The following IQSEC1 variants were observed in gnomAD, a reference collection of about 807,000 sequenced individuals.
The protein encoded by IQSEC1 is IQ motif and SEC7 domain-containing protein 1.
A neutral mutation model predicts 91.0 loss-of-function variants in IQSEC1; 31 were observed. The ratio of observed to expected loss-of-function variants is 0.34; its 90% CI spans 0.26 to 0.46. The LOEUF (loss-of-function observed/expected upper bound fraction) is 0.46, where lower values mean the gene tolerates loss of function less well. IQSEC1 is among the 20% of genes least tolerant of loss of function. IQSEC1 has a pLI of 1.00. For missense variants in IQSEC1, 1,388 were observed against 1,575.6 expected (o/e 0.88, Z 2.02); for synonymous variants, 699 against 662.6 (o/e 1.05, Z -0.84).
rs543520564 is a variant in IQSEC1, at chr3:13,041,202, G to A, written c.23+31790C>T. On this transcript the variant is annotated intron_variant, in intron 1 of 13. Coordinates refer to ENST00000613206, the MANE Select transcript of IQSEC1 (RefSeq NM_001134382.3). ...CAGCCGGACATGCCCTCCTGAGGCCGCATGAACAAGCCTGGGGGCGGGGGG... is the reference window on the plus strand; with the variant it reads ...CAGCCGGACATGCCCTCCTGAGGCCACATGAACAAGCCTGGGGGCGGGGGG... Among the ~76,000 whole-genome samples, 53 of 131,570 alleles carry A rather than the reference G, an allele frequency of 4.0e-4. 2 individuals carry two copies. In the South Asian group the frequency reaches 0.01, roughly 25 times the overall value. The allele number at this position is 131,570 out of a possible 152,430, so 86.3% of individuals were successfully genotyped here.
In IQSEC1 at chr3:13,143,639, C is replaced by T. The variant is rs933481726; in HGVS notation, c.302+20465G>A. Among the ~76,000 whole-genome samples, 5 of 152,216 alleles carry T rather than the reference C, an allele frequency of 3.3e-5. No homozygotes were observed. The South Asian group carries it at 1.0e-3, about 31-fold the overall frequency. ...GCTAAGGTCTGGGCATGTGACCAAT[C>T]AGGTGGTGAGGGTCAGGGCAAGGGC... On this transcript the variant is annotated intron_variant, in intron 2 of 15. Coordinates refer to the IQSEC1 transcript ENST00000648114.
At chr3:13,277,291 C>G (rs1318263219) in intron 1 of IQSEC1, among the ~76,000 whole-genome samples, 1 of 152,108 alleles carries the variant, frequency 6.6e-6, no homozygotes, top group Admixed American at 6.6e-5. Flanking sequence ...TCACTCCCCC[C>G]GGCACAGCAA....
rs1407479599 is a variant in IQSEC1 at position 13,008,377 on chromosome 3, G to A, written c.23+64615C>T. The stretch of plus-strand genomic sequence containing the variant: ...AGGCTGTCCACTGTCCAACCCAGAC[G>A]TCCTCTCTGAGAGTGCTGCCATTAG... On this transcript the variant is annotated intron_variant, in intron 1 of 13. Transcript: ENST00000613206. The surrounding 1 kb of genome is among the most constrained non-coding windows in gnomAD (Gnocchi z 4.1). Among the ~76,000 whole-genome samples the A allele has an allele frequency of 6.6e-6, 1 of 152,144 alleles. No homozygotes were observed. The highest frequency in any genetic ancestry group is 1.5e-5 in the Non-Finnish European group (1 of 68,014).
intron 2 of IQSEC1, among the ~76,000 whole-genome samples, chr3:13,133,716 A>C (rs532715900): frequency 6.6e-6 from 1 of 152,228 alleles, no homozygotes; most frequent in Non-Finnish European, 1.5e-5. Flanking sequence ...TACAACAGAC[A>C]ACTATAAACT....
rs1442399640 is a variant in IQSEC1, at chr3:12,899,019, T to C, written c.*1964A>G. On this transcript the variant is annotated 3_prime_UTR_variant, in exon 14 of 14. Transcript: ENST00000613206. ...AGACACCAAAGAAATGCCACGCCAA[T>C]GGGAGGACACAGGTGGGCGGGTTAA... 1.6e-5 allele frequency: 4 copies of C among 248,362 alleles called. No homozygotes were observed. Among genetic ancestry groups the C allele is most frequent in the African/African-American group, 8.9e-5 (4 of 44,726 alleles). The allele number at this position is 248,362 out of a possible 1,614,324, so 15.4% of individuals were successfully genotyped here.
At chr3:13,025,342 C>T (rs1411656946) in intron 1 of IQSEC1, among the ~76,000 whole-genome samples, 6 of 152,254 alleles carry the variant, frequency 3.9e-5, no homozygotes. Context: ...GTCACTGCCG[C>T]CCAGGCAAAG....
intron 1 of IQSEC1, among the ~76,000 whole-genome samples, chr3:13,067,856 G>A (rs1012405524): frequency 1.3e-5 from 2 of 152,248 alleles, no homozygotes; most frequent in Admixed American, 6.5e-5. Flanking sequence ...AAGACCAAGT[G>A]AGTCAGTGCA....
At chr3:13,067,760 A>AGG (rs1184423237) in intron 1 of IQSEC1, among the ~76,000 whole-genome samples, 2 of 152,226 alleles carry the variant, frequency 1.3e-5, no homozygotes, top group Non-Finnish European at 2.9e-5. Flanking sequence ...TGAGCAAGGC[A>AGG]CTTCCCTGGA....
Position 12,924,684 on chromosome 3 carries a change from C to T in IQSEC1, c.1627G>A (p.Val543Ile), listed in dbSNP as rs377447856. ...IERGFVPDTP[V>I]GVAHFLLQRK... ...TGCAGCAGGAAGTGGGCCACCCCGA[C>T]GGGCGTGTCGGGCACAAAGCCACGC... The change falls in exon 4 of 14, where the codon GTC (valine) becomes ATC (isoleucine). Residue 543 changes from valine to isoleucine, a missense_variant. Val to Ile is a conservative substitution (Grantham distance 29, BLOSUM62 3). This residue lies in a region of IQSEC1 where 1,059 missense variants were observed against 1,317.8 expected (regional missense o/e 0.80). Coordinates refer to ENST00000613206, the MANE Select transcript of IQSEC1 (RefSeq NM_001134382.3). This position sits in a 1 kb window ranked among gnomAD's most constrained non-coding sequence, Gnocchi z 6.3. The T allele has an allele frequency of 1.2e-5, 20 of 1,608,578 alleles. No individual in the cohort carries two copies. The highest frequency in any genetic ancestry group is 2.7e-5 in the African/African-American group (2 of 74,808).
intron 1 of IQSEC1, among the ~76,000 whole-genome samples, chr3:13,278,689 C>A (rs187824221): frequency 7.0e-4 from 106 of 152,294 alleles, no homozygotes; most frequent in South Asian, 1.2e-3. Context: ...CGTGGTGGTG[C>A]ACGCCTGTAA....
At chr3:12,990,188 G>A (rs1360252624) in intron 1 of IQSEC1, among the ~76,000 whole-genome samples, 1 of 152,322 alleles carries the variant, frequency 6.6e-6, no homozygotes, top group East Asian at 1.9e-4. Flanking sequence ...TTGGATCACT[G>A]AAAAAATAAA....
At chr3:13,108,887 TGCAGG>T (rs1706195941) in intron 2 of IQSEC1, among the ~76,000 whole-genome samples, 1 of 152,238 alleles carries the variant, frequency 6.6e-6, no homozygotes, top group African/African-American at 2.4e-5. Context: ...TAGGGGGACC[TGCAGG>T]TCATGGCCCC....
At position 12,979,018 on chromosome 3, in the gene IQSEC1, T is replaced by C. The variant is rs1168457655; in HGVS notation, c.24-37153A>G. ...ATGGGGCATGAAGTGTGGGGATGGGTGCGCTGTGGGGCATGAGGCCAGTGG... is the reference window on the plus strand; with the variant it reads ...ATGGGGCATGAAGTGTGGGGATGGGCGCGCTGTGGGGCATGAGGCCAGTGG... On this transcript the variant is annotated intron_variant, in intron 1 of 13. Coordinates refer to ENST00000613206, the MANE Select transcript of IQSEC1 (RefSeq NM_001134382.3). The surrounding 1 kb of genome is among the most constrained non-coding windows in gnomAD (Gnocchi z 4.3). Among the ~76,000 whole-genome samples the C allele has an allele frequency of 6.6e-6, 1 of 152,154 alleles. No homozygotes were observed. Among genetic ancestry groups the C allele is most frequent in the Admixed American group, 6.5e-5 (1 of 15,282 alleles).
chr3:13,236,700 C>T lies in IQSEC1; in HGVS notation c.272+46011G>A, dbSNP rs967535943. Among the ~76,000 whole-genome samples, 8 of 152,212 alleles carry T rather than the reference C, an allele frequency of 5.3e-5. No individual in the cohort carries two copies. In the East Asian group the frequency reaches 1.5e-3, roughly 29 times the overall value. On this transcript the variant is annotated intron_variant, in intron 1 of 15. Coordinates refer to the IQSEC1 transcript ENST00000648114. ...CACAGACGTGAGAAGGCGCCAGCTC[C>T]ACCCGGGCCCCTGTGCTAGGGCTGG...
At chr3:13,138,106 G>T (rs1263013922) in intron 2 of IQSEC1, among the ~76,000 whole-genome samples, 2 of 152,124 alleles carry the variant, frequency 1.3e-5, no homozygotes, top group Non-Finnish European at 2.9e-5. Flanking sequence ...AAATGAGAGG[G>T]GATCATACTG....
chr3:12,969,733 G>A (rs1700804975), intron 1 of IQSEC1, among the ~76,000 whole-genome samples: 1 of 152,190 alleles, frequency 6.6e-6, no homozygotes, highest in South Asian at 2.1e-4. Context: ...ACTTCTCCAG[G>A]CCCAGGGCCC....
chr3:12,968,071 G>A (rs144193788), intron 1 of IQSEC1, among the ~76,000 whole-genome samples: 173 of 152,326 alleles, frequency 1.1e-3, no homozygotes, highest in Non-Finnish European at 2.1e-3. Flanking sequence ...CGCCTCCCGG[G>A]AGCCATGTCT....
At chr3:13,199,451 G>A (rs1488091443) in intron 1 of IQSEC1, among the ~76,000 whole-genome samples, 1 of 152,130 alleles carries the variant, frequency 6.6e-6, no homozygotes, top group African/African-American at 2.4e-5. Context: ...CCCTTTCCAA[G>A]CTGGGCAGCT....
intron 9 of IQSEC1, among the ~76,000 whole-genome samples, chr3:12,911,950 T>C (rs572031715): frequency 1.4e-4 from 22 of 152,110 alleles, no homozygotes; most frequent in African/African-American, 4.1e-4. Context: ...CAACCTGACA[T>C]AGAGGCGGTA....
Sources: allele counts gnomAD v4.1 joint callset (sites outside exome capture counted in the v4.1 genomes callset), GRCh38; gene constraint gnomAD v4.1.1; regional missense constraint gnomAD v4.1.1; non-coding constraint Gnocchi (gnomAD v3.1); transcripts MANE v1.5; gene names NCBI Gene and HGNC (gene_info 2026-07-23, HGNC 2026-07-21).